SSH2: variants seen among roughly 807,000 people sequenced by gnomAD.
SSH2 encodes slingshot protein phosphatase 2.
In SSH2, 37 loss-of-function variants were observed where a neutral mutation model predicts 135.2. The observed-to-expected ratio is 0.27, with a 90% CI of 0.21 to 0.36. SSH2 has a LOEUF of 0.36. Among genes scored for constraint, SSH2 ranks in the 10% least tolerant of loss-of-function variants. The probability of loss-of-function intolerance (pLI) is 1.00; values close to 1 mark genes in which losing one functional copy is unlikely to be tolerated. For synonymous variants in SSH2, 628 were observed against 646.2 expected (o/e 0.97, Z 0.43); for missense variants, 1,408 against 1,765.3 (o/e 0.80, Z 3.63).
chr17:29,823,881 A>AC (rs2151348504), intron 2 of SSH2, among the ~76,000 whole-genome samples: 1 of 150,766 alleles, frequency 6.6e-6, no homozygotes, highest in Non-Finnish European at 1.5e-5. Flanking sequence ...TCTGTCTCAA[A>AC]AAAAAAAAAA....
intron 4 of SSH2, 41 bp from the exon 5 acceptor site, chr17:29,695,564 C>G (rs1420249859): frequency 6.4e-7 from 1 of 1,550,862 alleles, no homozygotes; most frequent in Admixed American, 1.8e-5. Flanking sequence ...ATTCTCCATT[C>G]TAATGTTGAC....
chr17:29,696,672 CGTGTGTGTGTGT>C (rs60502729), intron 4 of SSH2, among the ~76,000 whole-genome samples: 1 of 137,436 alleles, frequency 7.3e-6, no homozygotes, highest in Non-Finnish European at 1.6e-5. Context: ...TATATACGTA[CGTGTGTGTGTGT>C]GTGTGTGTGT....
At chr17:29,882,917 G>A (rs527954600) in intron 1 of SSH2, 1 of 152,152 alleles carries the variant, frequency 6.6e-6, no homozygotes, top group South Asian at 2.1e-4. Flanking sequence ...TCTCGCCTCA[G>A]CCTCTCAAAG....
In SSH2 at chr17:29,805,137, AATTATT is replaced by A. The variant is rs541484273; in HGVS notation, c.145-11206_145-11201del. Among the ~76,000 whole-genome samples, 32 of 150,066 alleles carry A rather than the reference AATTATT, an allele frequency of 2.1e-4. 2 individuals carry two copies. The East Asian group carries it at 6.0e-3, about 28-fold the overall frequency. ...AAAAGCTCCAGGCCTCATGCCTATA[AATTATT>A]ATTATTAATATTATTATTATTATTA... is the stretch of plus-strand genomic sequence containing the variant. On this transcript the variant is annotated intron_variant, in intron 2 of 15. Coordinates refer to ENST00000540801, the MANE Select transcript of SSH2 (RefSeq NM_001282129.2).
Position 29,761,326 on chromosome 17 carries a change from C to A in SSH2, c.188+32568G>T. On this transcript the variant is annotated intron_variant, in intron 3 of 15. Transcript: ENST00000540801. ...TCCGCATCCTGGCCTCTGCTCTGCT[C>A]CGGCACGAGGCGCAGGCTGCGCGTG... is the stretch of plus-strand genomic sequence containing the variant. 3 of 1,147,874 alleles carry A rather than the reference C, an allele frequency of 2.6e-6. No individual in the cohort carries two copies. The African/African-American group carries it at 5.2e-5, about 20-fold the overall frequency. The allele number at this position is 1,147,874 out of a possible 1,614,324, so 71.1% of individuals were successfully genotyped here.
chr17:29,727,569 A>G (rs1003358722), intron 3 of SSH2, among the ~76,000 whole-genome samples: 1 of 152,226 alleles, frequency 6.6e-6, no homozygotes, highest in Admixed American at 6.5e-5. Flanking sequence ...TAACTGGTGG[A>G]GTAAGTCCAG....
At chr17:29,807,453 A>G (rs1401527674) in intron 2 of SSH2, among the ~76,000 whole-genome samples, 1 of 152,222 alleles carries the variant, frequency 6.6e-6, no homozygotes, top group Non-Finnish European at 1.5e-5. Context: ...ATACTCACTG[A>G]GAGCTGCTGG....
At chr17:29,635,124 G>A (rs1185761701) in intron 15 of SSH2, among the ~76,000 whole-genome samples, 1 of 151,858 alleles carries the variant, frequency 6.6e-6, no homozygotes, top group Non-Finnish European at 1.5e-5. Flanking sequence ...GTCTGGTCTC[G>A]AACTCCTGAC....
intron 11 of SSH2, among the ~76,000 whole-genome samples, chr17:29,656,627 C>G (rs1472555176): frequency 6.6e-6 from 1 of 152,138 alleles, no homozygotes; most frequent in Non-Finnish European, 1.5e-5. Context: ...AAATGGCAAA[C>G]TTTGGGGGAA....
At chr17:29,642,571 C>A (rs570787571) in intron 14 of SSH2, among the ~76,000 whole-genome samples, 133 of 151,838 alleles carry the variant, frequency 8.8e-4, no homozygotes, top group African/African-American at 3.1e-3. Context: ...AGACACCACC[C>A]CCCCCACCGC....
chr17:29,655,185 G>C (rs947860683), intron 12 of SSH2, among the ~76,000 whole-genome samples: 7 of 151,824 alleles, frequency 4.6e-5, no homozygotes, highest in African/African-American at 1.7e-4. Flanking sequence ...CTCACTGCAA[G>C]CTCCGCCTCC....
intron 3 of SSH2, among the ~76,000 whole-genome samples, chr17:29,782,027 G>A (rs547837446): frequency 5.9e-5 from 9 of 151,434 alleles, no homozygotes; most frequent in African/African-American, 1.7e-4. Context: ...TGTATTTTTA[G>A]TAGAGATGGG....
Position 29,629,963 on chromosome 17 carries a change from G to A in SSH2, c.*878C>T, listed in dbSNP as rs77983553. The A allele has an allele frequency of 1.4e-4, 21 of 152,732 alleles. No individual in the cohort carries two copies. In the East Asian group the frequency reaches 2.7e-3, roughly 20 times the overall value. The allele number at this position is 152,732 out of a possible 1,614,324, so 9.5% of individuals were successfully genotyped here. On this transcript the variant is annotated 3_prime_UTR_variant, in exon 16 of 16. Transcript: ENST00000540801. ...ATTTTACAAGAACACACTGACTTTC[G>A]ATTGCTGCTTTTCAAACATGTCACT...
At chr17:29,770,207 C>T (rs1414189577) in intron 3 of SSH2, among the ~76,000 whole-genome samples, 1 of 143,148 alleles carries the variant, frequency 7.0e-6, no homozygotes, top group Non-Finnish European at 1.5e-5. Flanking sequence ...TCAAAAGATA[C>T]TAGTGATTCT....
chr17:29,772,956 C>G (rs546466839), intron 3 of SSH2, among the ~76,000 whole-genome samples: 5 of 152,220 alleles, frequency 3.3e-5, no homozygotes, highest in African/African-American at 1.2e-4. Flanking sequence ...GTGTCTCCAG[C>G]TTGCAGATGG....
At chr17:29,694,329 TTAC>T (rs1232368946) in intron 5 of SSH2, among the ~76,000 whole-genome samples, 3 of 152,220 alleles carry the variant, frequency 2.0e-5, no homozygotes, top group Non-Finnish European at 4.4e-5. Context: ...ATTGGAGGTA[TTAC>T]TACAACAGTG....
chr17:29,913,354 A>AAAT lies in SSH2; in HGVS notation c.63+16583_63+16584insATT, dbSNP rs1567650071. On this transcript the variant is annotated intron_variant, in intron 1 of 15. Transcript: ENST00000540801. ...AAAAAAAAAAAAAAAAAAAATATAT[A>AAAT]TATATATATATATATATATATATAT... Among the ~76,000 whole-genome samples the AAAT allele has an allele frequency of 7.8e-5, 4 of 51,296 alleles. 2 individuals carry two copies. Among genetic ancestry groups the AAAT allele is most frequent in the African/African-American group, 1.4e-4 (2 of 14,334 alleles). The allele number at this position is 51,296 out of a possible 152,430, so 33.7% of individuals were successfully genotyped here. A position where few individuals can be genotyped will look rare whatever the true frequency, so the allele number is the denominator to read the frequency against.
intron 12 of SSH2, among the ~76,000 whole-genome samples, chr17:29,651,582 T>C (rs377175599): frequency 1.3e-5 from 2 of 152,236 alleles, no homozygotes; most frequent in African/African-American, 4.8e-5. Context: ...GATTTAGACA[T>C]AGCTGGATGT....
chr17:29,896,644 G>A (rs1388052910), intron 1 of SSH2, among the ~76,000 whole-genome samples: 1 of 150,482 alleles, frequency 6.6e-6, no homozygotes, highest in Non-Finnish European at 1.5e-5. Flanking sequence ...CTTTATTGCT[G>A]GTCTTTTTCA....
Sources: gnomAD v4.1 joint callset for allele counts (sites outside exome capture counted in the v4.1 genomes callset) on GRCh38, gnomAD v4.1.1 for gene constraint, MANE v1.5 for transcripts, NCBI Gene and HGNC (gene_info 2026-07-23, HGNC 2026-07-21) for gene names.